The following MFHAS1 variants were observed in gnomAD, a reference collection of about 807,000 sequenced individuals.
MFHAS1 encodes multifunctional ROCO family signaling regulator 1.
In MFHAS1, 50 loss-of-function variants were observed where a neutral mutation model predicts 70.4. The observed-to-expected ratio is 0.71, with a 90% CI of 0.57 to 0.90. The LOEUF (loss-of-function observed/expected upper bound fraction) is 0.90. Ranked by LOEUF, MFHAS1 falls within the 40% of genes least tolerant of loss-of-function variation. The pLI is 0.00. For missense variants in MFHAS1, 1,795 were observed against 1,347.6 expected, an observed-to-expected ratio of 1.33 and a Z score of -5.20; for synonymous variants, 952 against 620.0, an observed-to-expected ratio of 1.54 and a Z score of -7.96.
At chr8:8,807,707 A>G (rs1015181212) in intron 1 of MFHAS1, among the ~76,000 whole-genome samples, 1 of 152,186 alleles carries the variant, frequency 6.6e-6, no homozygotes, top group Admixed American at 6.5e-5. Context: ...GCTGGTGTGA[A>G]AGGCTGAGAC....
At chr8:8,852,996 TA>T (rs989462198) in intron 1 of MFHAS1, among the ~76,000 whole-genome samples, 1 of 152,106 alleles carries the variant, frequency 6.6e-6, no homozygotes, top group African/African-American at 2.4e-5. Flanking sequence ...GAAGGTGGCC[TA>T]AAAAACCCAA....
At chr8:8,877,028 A>C (rs908948016) in intron 1 of MFHAS1, among the ~76,000 whole-genome samples, 3 of 152,036 alleles carry the variant, frequency 2.0e-5, no homozygotes, top group Admixed American at 2.0e-4. Flanking sequence ...GGCTGGGCGC[A>C]GTGGCACACA....
At chr8:8,806,523 T>C (rs1806294369) in intron 1 of MFHAS1, among the ~76,000 whole-genome samples, 1 of 152,172 alleles carries the variant, frequency 6.6e-6, no homozygotes, top group Non-Finnish European at 1.5e-5. Context: ...AAAATATTGT[T>C]CTATATCAAA....
At chr8:8,847,864 C>A (rs1183159350) in intron 1 of MFHAS1, among the ~76,000 whole-genome samples, 2 of 152,160 alleles carry the variant, frequency 1.3e-5, no homozygotes, top group African/African-American at 4.8e-5. Context: ...TGGTATAGCC[C>A]ATGTTGCTGA....
chr8:8,814,010 T>C (rs561123838), intron 1 of MFHAS1, among the ~76,000 whole-genome samples: 3 of 151,638 alleles, frequency 2.0e-5, no homozygotes, highest in South Asian at 2.1e-4. Context: ...ATGATCTCGG[T>C]CACTGCAACC....
intron 1 of MFHAS1, among the ~76,000 whole-genome samples, chr8:8,802,493 A>AC (rs1275572465): frequency 6.6e-6 from 1 of 152,230 alleles, no homozygotes; most frequent in Admixed American, 6.5e-5. Context: ...GCGAGAAGAC[A>AC]CCATATGTGA....
intron 1 of MFHAS1, among the ~76,000 whole-genome samples, chr8:8,817,369 T>A (rs933724842): frequency 6.6e-6 from 1 of 152,228 alleles, no homozygotes; most frequent in Non-Finnish European, 1.5e-5. Flanking sequence ...ATTCGCTTAA[T>A]AAAGCCATTT....
chr8:8,831,843 C>G (rs571147439), intron 1 of MFHAS1, among the ~76,000 whole-genome samples: 2 of 152,028 alleles, frequency 1.3e-5, no homozygotes, highest in South Asian at 2.1e-4. Context: ...CTTGACCTCA[C>G]GTGATCCGTC....
At chr8:8,821,181 G>A (rs1806940731) in intron 1 of MFHAS1, among the ~76,000 whole-genome samples, 1 of 152,190 alleles carries the variant, frequency 6.6e-6, no homozygotes, top group South Asian at 2.1e-4. Flanking sequence ...GAAACGGAAT[G>A]AACTGCCTGC....
At chr8:8,832,261 C>G (rs767125555) in intron 1 of MFHAS1, among the ~76,000 whole-genome samples, 7 of 152,022 alleles carry the variant, frequency 4.6e-5, no homozygotes, top group South Asian at 2.1e-4. Flanking sequence ...TCAAAAGACA[C>G]TTGAAGAAAA....
chr8:8,816,817 G>T (rs796174312), intron 1 of MFHAS1, among the ~76,000 whole-genome samples: 5 of 152,270 alleles, frequency 3.3e-5, no homozygotes, highest in Middle Eastern at 3.4e-3. Context: ...CACACCTACT[G>T]ACTGAAGGAC....
At chr8:8,788,037 T>C (rs1323434364) in intron 2 of MFHAS1, among the ~76,000 whole-genome samples, 2 of 152,218 alleles carry the variant, frequency 1.3e-5, no homozygotes, top group African/African-American at 2.4e-5. Flanking sequence ...TACGACTTCC[T>C]GGAACTTTTC....
At position 8,893,602 on chromosome 8, in the gene MFHAS1, G is replaced by A. The variant is rs1002334096; in HGVS notation, c.-544C>T. 6.8e-6 allele frequency: 1 copy of A among 146,758 alleles called. No homozygotes were observed. The highest frequency in any genetic ancestry group is 2.4e-5 in the African/African-American group (1 of 40,876). The allele number at this position is 146,758 out of a possible 1,614,324, so 9.1% of individuals were successfully genotyped here. On this transcript the variant is annotated 5_prime_UTR_variant, in exon 1 of 3. Transcript: ENST00000276282. Reference sequence around the variant, plus strand: ...CGGGAGCGCGGGCGCCGCGTCCCCGGCGCTGGGAGGGCGCGATTGGGAAGC... The same window carrying A: ...CGGGAGCGCGGGCGCCGCGTCCCCGACGCTGGGAGGGCGCGATTGGGAAGC...
intron 1 of MFHAS1, among the ~76,000 whole-genome samples, 179 bp from the exon 2 acceptor site, chr8:8,797,670 C>T (rs544463489): frequency 2.0e-5 from 3 of 152,310 alleles, no homozygotes; most frequent in African/African-American, 7.2e-5. Context: ...CCGGCTCCAG[C>T]GCCTAAATCC....
At position 8,891,362 on chromosome 8, in the gene MFHAS1, G is replaced by A. The variant is rs765592110; in HGVS notation, c.1697C>T (p.Ala566Val). The change falls in exon 1 of 3, where the codon GCG becomes GTG. Residue 566 changes from alanine to valine, a missense_variant. Ala to Val is a moderately conservative substitution (Grantham distance 64, BLOSUM62 0). Transcript: ENST00000276282. This position sits in a 1 kb window ranked among gnomAD's most constrained non-coding sequence, Gnocchi z 5.4. ...CTTGGCCAAGCGGCTCAGTCCCTCC[G>A]CGTCGTGCTTCTCCTGCAGGGCGAT... ...RQIALQEKHD[A>V]EGLSRLAKVV... 1.2e-6 allele frequency: 2 copies of A among 1,611,212 alleles called. No individual in the cohort carries two copies. Among genetic ancestry groups the A allele is most frequent in the Admixed American group, 3.3e-5 (2 of 60,012 alleles).
chr8:8,820,111 C>T (rs1432682733), intron 1 of MFHAS1, among the ~76,000 whole-genome samples: 1 of 152,116 alleles, frequency 6.6e-6, no homozygotes. Context: ...AAGTCTTTCT[C>T]TAAATTTATT....
At chr8:8,852,442 G>A (rs1019368372) in intron 1 of MFHAS1, among the ~76,000 whole-genome samples, 12 of 151,420 alleles carry the variant, frequency 7.9e-5, no homozygotes, top group East Asian at 2.0e-4. Flanking sequence ...CCACTCCAGC[G>A]TAAGCAACAA....
intron 1 of MFHAS1, among the ~76,000 whole-genome samples, chr8:8,854,530 A>G (rs1275628090): frequency 6.6e-6 from 1 of 151,872 alleles, no homozygotes; most frequent in Non-Finnish European, 1.5e-5. Flanking sequence ...CAAAAAAAAA[A>G]AAAAATTAGC....
chr8:8,879,496 A>C (rs546497994), intron 1 of MFHAS1, among the ~76,000 whole-genome samples: 1 of 152,338 alleles, frequency 6.6e-6, no homozygotes, highest in South Asian at 2.1e-4. Flanking sequence ...GATTTCTCGC[A>C]AACAAGTAAT....
Sources: gnomAD v4.1 joint callset for allele counts (sites outside exome capture counted in the v4.1 genomes callset) on GRCh38, gnomAD v4.1.1 for gene constraint, Gnocchi (gnomAD v3.1) non-coding constraint, MANE v1.5 for transcripts, NCBI Gene and HGNC (gene_info 2026-07-23, HGNC 2026-07-21) for gene names.